Variants in UNC5CL observed in about 807,000 individuals in gnomAD.
UNC5CL encodes UNC5C-like protein.
In UNC5CL, 42 loss-of-function variants were observed where a neutral mutation model predicts 54.1. The observed-to-expected ratio is 0.78, with a 90% CI of 0.61 to 1.00. The LOEUF (loss-of-function observed/expected upper bound fraction) is 1.00, where lower values mean the gene tolerates loss of function less well. Among genes scored for constraint, UNC5CL ranks in the 50% least tolerant of loss-of-function variants. UNC5CL has a pLI of 0.00. For synonymous variants in UNC5CL, 285 were observed against 285.1 expected (o/e 1.00, Z 0.00); for missense variants, 619 against 675.6 (o/e 0.92, Z 0.93).
Position 41,032,966 on chromosome 6 carries a change from C to T in UNC5CL, c.867G>A (p.Gly289=), listed in dbSNP as rs760402356. 6.2e-7 allele frequency: 1 copy of T among 1,603,120 alleles called. No homozygotes were observed. The highest frequency in any genetic ancestry group is 8.5e-7 in the Non-Finnish European group (1 of 1,174,962). The part of the protein sequence containing the change: ...WALTNEQPHG[G]RLRGPCQLFD... ...AGAGCTGGCAGGGCCCACGCAGGCG[C>T]CCACCATGGGGCTGCTCGTTGGTCA... Residue 289 remains glycine, a synonymous_variant, in exon 4 of 9, where the codon GGG becomes GGA. Coordinates refer to ENST00000244565, the MANE Select transcript of UNC5CL (RefSeq NM_173561.3).
Position 41,032,931 on chromosome 6 carries a change from T to C in UNC5CL, c.902A>G (p.Asn301Ser), listed in dbSNP as rs747804609. ...CAGGCACTGGTCGCCCCTAGCCCCA[T>C]TGAAGTCGAAGAGCTGGCAGGGCCC... Reference protein sequence around the residue: ...LRGPCQLFDFNGARGDQCLKL... With the variant: ...LRGPCQLFDFSGARGDQCLKL... Residue 301 changes from asparagine (N) to serine (S), a missense_variant, in exon 4 of 9, where the codon AAT (asparagine) becomes AGT (serine). Asn to Ser is a conservative substitution (Grantham distance 46). Coordinates refer to ENST00000244565, the MANE Select transcript of UNC5CL (RefSeq NM_173561.3). 7 of 1,605,690 alleles carry C rather than the reference T, an allele frequency of 4.4e-6. No homozygotes were observed. Among genetic ancestry groups the C allele is most frequent in the East Asian group, 4.5e-5 (2 of 44,664 alleles).
At position 41,027,940 on chromosome 6, in the gene UNC5CL, T is replaced by A. The variant is rs1762407144; in HGVS notation, c.*433A>T. The A allele has an allele frequency of 6.1e-6, 1 of 164,216 alleles. No individual in the cohort carries two copies. The highest frequency in any genetic ancestry group is 1.8e-4 in the South Asian group (1 of 5,696). 10.2% of individuals were successfully genotyped at this position (164,216 alleles called of 1,614,324 possible). A position where few individuals can be genotyped will look rare whatever the true frequency, so the allele number is the denominator to read the frequency against. ...TTGGCTCCTATGAGCACATCTTGAC[T>A]CCTGCAAAAGAACTGTGTGCTTGTC... On this transcript the variant is annotated 3_prime_UTR_variant, in exon 9 of 9. Coordinates refer to ENST00000244565, the MANE Select transcript of UNC5CL (RefSeq NM_173561.3).
At chr6:41,033,289 G>A in intron 3 of UNC5CL, 143 bp from the exon 4 acceptor site, 3 of 1,013,942 alleles carry the variant, frequency 3.0e-6, no homozygotes, top group Admixed American at 2.9e-5. Flanking sequence ...CACTTAGGGA[G>A]GAACTGGTAG....
chr6:41,037,576 A>G (rs1414943206), intron 1 of UNC5CL, among the ~76,000 whole-genome samples: 1 of 152,222 alleles, frequency 6.6e-6, no homozygotes, highest in Non-Finnish European at 1.5e-5. Flanking sequence ...CAGAACCTCC[A>G]CTGTATCCTC....
intron 1 of UNC5CL, among the ~76,000 whole-genome samples, chr6:41,038,171 G>A (rs982479177): frequency 2.6e-5 from 4 of 152,080 alleles, no homozygotes; most frequent in Non-Finnish European, 4.4e-5. Context: ...AAATAAAGTT[G>A]GAAGAGAAAG....
At chr6:41,034,593 A>T in intron 2 of UNC5CL, 97 bp downstream of exon 2, 1 of 1,411,698 alleles carries the variant, frequency 7.1e-7, no homozygotes, top group Non-Finnish European at 9.6e-7. Flanking sequence ...CAATTATCAG[A>T]AGTAAAAGGT....
At position 41,028,091 on chromosome 6, in the gene UNC5CL, G is replaced by A. The variant is rs1196088966; in HGVS notation, c.*282C>T. 2 of 481,614 alleles carry A rather than the reference G, an allele frequency of 4.2e-6. No individual in the cohort carries two copies. The highest frequency in any genetic ancestry group is 2.1e-5 in the African/African-American group (1 of 48,704). 29.8% of individuals were successfully genotyped at this position (481,614 alleles called of 1,614,324 possible). A position where few individuals can be genotyped will look rare whatever the true frequency, so the allele number is the denominator to read the frequency against. ...GCCCTAAAGTGCACGCGGGGACCGT[G>A]GCCGTCCCCTGGTCAGTTTGGCAGG... On this transcript the variant is annotated 3_prime_UTR_variant, in exon 9 of 9. Transcript: ENST00000244565. The surrounding 1 kb of genome is among the most constrained non-coding windows in gnomAD (Gnocchi z 4.3).
intron 1 of UNC5CL, among the ~76,000 whole-genome samples, chr6:41,035,674 G>T (rs1762515126): frequency 6.6e-6 from 1 of 152,208 alleles, no homozygotes; most frequent in Non-Finnish European, 1.5e-5. Context: ...GTAAGGGGTG[G>T]GTTATTCAGA....
chr6:41,032,510 A>G (rs906362416), intron 4 of UNC5CL, among the ~76,000 whole-genome samples: 9 of 152,078 alleles, frequency 5.9e-5, no homozygotes, highest in African/African-American at 2.2e-4. Flanking sequence ...TATAATCCCA[A>G]CACTTTCAGA....
At chr6:41,033,787 G>A (rs987178172) in intron 3 of UNC5CL, 94 bp downstream of exon 3, 1 of 1,372,890 alleles carries the variant, frequency 7.3e-7, no homozygotes, top group African/African-American at 1.4e-5. Context: ...CTTCTATACA[G>A]AGAGATGAAG....
chr6:41,037,433 T>C (rs1360331323), intron 1 of UNC5CL, among the ~76,000 whole-genome samples: 1 of 152,180 alleles, frequency 6.6e-6, no homozygotes, highest in East Asian at 1.9e-4. Context: ...CTGGAAGAGC[T>C]TCCAGTATCC....
chr6:41,028,534 C>T lies in UNC5CL; in HGVS notation c.1396G>A (p.Gly466Ser), dbSNP rs772683032. The change falls in exon 9 of 9, where the codon GGC becomes AGC. Residue 466 changes from glycine to serine, a missense_variant. Transcript: ENST00000244565. This position sits in a 1 kb window ranked among gnomAD's most constrained non-coding sequence, Gnocchi z 4.3. ...AILELFEEQN[G>S]SLQELHYLMT... ...AGGTAGTGCAGCTCCTGCAGGCTGC[C>T]GTTCTGCTCCTCAAACAACTCCAGG... 3 of 1,613,890 alleles carry T rather than the reference C, an allele frequency of 1.9e-6. No homozygotes were observed. Among genetic ancestry groups the T allele is most frequent in the South Asian group, 2.2e-5 (2 of 91,082 alleles).
chr6:41,028,893 T>C lies in UNC5CL; in HGVS notation c.1335-298A>G, dbSNP rs1762421701. Among the ~76,000 whole-genome samples, 1 of 152,120 alleles carries C rather than the reference T, an allele frequency of 6.6e-6. No individual in the cohort carries two copies. The highest frequency in any genetic ancestry group is 1.5e-5 in the Non-Finnish European group (1 of 68,014). On this transcript the variant is annotated intron_variant, in intron 8 of 8. Coordinates refer to ENST00000244565, the MANE Select transcript of UNC5CL (RefSeq NM_173561.3). The surrounding 1 kb of genome is among the most constrained non-coding windows in gnomAD (Gnocchi z 4.3). ...AGGACCTCTAAGTTTGCTACAGTTC[T>C]GATGTTCTGTAATTGCCTTCTCTAC... is the stretch of plus-strand genomic sequence containing the variant.
In UNC5CL at chr6:41,034,118, G is replaced by A; in HGVS notation, c.449C>T (p.Ala150Val). Residue 150 changes from alanine to valine, a missense_variant, in exon 3 of 9, where the codon GCC becomes GTC. Ala to Val is a moderately conservative substitution (Grantham distance 64, BLOSUM62 0). Coordinates refer to ENST00000244565, the MANE Select transcript of UNC5CL (RefSeq NM_173561.3). ...SLILVWDLSD[A>V]PSLSQAQGLV... ...CCCCTGGGCTTGGGACAGCGATGGG[G>A]CGTCCGACAGGTCCCACACCAGGAT... 1 of 1,614,040 alleles carries A rather than the reference G, an allele frequency of 6.2e-7. No homozygotes were observed. The highest frequency in any genetic ancestry group is 8.5e-7 in the Non-Finnish European group (1 of 1,179,972).
chr6:41,034,916 C>G lies in UNC5CL; in HGVS notation c.159G>C (p.Val53=). 6.2e-7 allele frequency: 1 copy of G among 1,614,186 alleles called. No individual in the cohort carries two copies. The highest frequency in any genetic ancestry group is 8.5e-7 in the Non-Finnish European group (1 of 1,180,038). Residue 53 remains valine (V), a synonymous_variant, in exon 2 of 9, where the codon GTG becomes GTC. Coordinates refer to ENST00000244565, the MANE Select transcript of UNC5CL (RefSeq NM_173561.3). Reference sequence around the variant, plus strand: ...TTTCTAGTTGGGGGGTAGGCTGGGACACTGGTTCCTCTTGACCATTCAGTG... The same window carrying G: ...TTTCTAGTTGGGGGGTAGGCTGGGAGACTGGTTCCTCTTGACCATTCAGTG... ...CWTLNGQEEP[V]SQPTPQLENE... is the part of the protein sequence containing the mutation.
chr6:41,028,271 A>C lies in UNC5CL; in HGVS notation c.*102T>G. On this transcript the variant is annotated 3_prime_UTR_variant, in exon 9 of 9. Transcript: ENST00000244565. The surrounding 1 kb of genome is among the most constrained non-coding windows in gnomAD (Gnocchi z 4.3). ...CTGGCACCGTCCGAGGGTTCTGGGA[A>C]GGGTGGTGGGCACAGCCAGGAACAG... 8.1e-7 allele frequency: 1 copy of C among 1,237,114 alleles called. No individual in the cohort carries two copies. The highest frequency in any genetic ancestry group is 1.1e-6 in the Non-Finnish European group (1 of 915,896). The allele number at this position is 1,237,114 out of a possible 1,614,324, so 76.6% of individuals were successfully genotyped here. A position where few individuals can be genotyped will look rare whatever the true frequency, so the allele number is the denominator to read the frequency against.
chr6:41,037,065 C>G (rs1762533836), intron 1 of UNC5CL, among the ~76,000 whole-genome samples: 1 of 152,212 alleles, frequency 6.6e-6, no homozygotes, highest in Non-Finnish European at 1.5e-5. Context: ...TTGCTCTCCC[C>G]ACTTGTTTCC....
intron 1 of UNC5CL, among the ~76,000 whole-genome samples, chr6:41,035,642 T>C (rs978475905): frequency 3.9e-5 from 6 of 152,248 alleles, no homozygotes; most frequent in Admixed American, 3.3e-4. Flanking sequence ...ATCATATTTA[T>C]GTCCACTTTT....
Position 41,028,925 on chromosome 6 carries a change from C to A in UNC5CL, c.1335-330G>T, listed in dbSNP as rs182019222. On this transcript the variant is annotated intron_variant, in intron 8 of 8. Transcript: ENST00000244565. This position sits in a 1 kb window ranked among gnomAD's most constrained non-coding sequence, Gnocchi z 4.3. ...CTGTAATTGCCTTCTCTACCTCCCCCACTCCAAATACACCCCTAGCCTCCC... is the reference window on the plus strand; with the variant it reads ...CTGTAATTGCCTTCTCTACCTCCCCAACTCCAAATACACCCCTAGCCTCCC... Among the ~76,000 whole-genome samples, 416 of 152,034 alleles carry A rather than the reference C, an allele frequency of 2.7e-3. 4 individuals carry two copies. Among genetic ancestry groups the A allele is most frequent in the Non-Finnish European group, 2.0e-3 (139 of 67,966 alleles).
Sources: gnomAD v4.1 joint callset for allele counts (sites outside exome capture counted in the v4.1 genomes callset) on GRCh38, gnomAD v4.1.1 for gene constraint, Gnocchi (gnomAD v3.1) non-coding constraint, MANE v1.5 for transcripts, NCBI Gene and HGNC (gene_info 2026-07-23, HGNC 2026-07-21) for gene names.